The following ABCC9 variants were observed in gnomAD, a reference collection of about 807,000 sequenced individuals.
ABCC9 encodes ATP-binding cassette sub-family C member 9.
ABCC9 carries 95 observed loss-of-function variants against 188.3 expected under a neutral mutation model. The observed-to-expected ratio is 0.50, with a 90% CI of 0.43 to 0.60. The LOEUF (loss-of-function observed/expected upper bound fraction) is 0.60. ABCC9 is among the 20% of genes least tolerant of loss of function. The pLI is 0.00. For missense variants in ABCC9, 1,102 were observed against 1,876.3 expected, an observed-to-expected ratio of 0.59 and a Z score of 7.62; for synonymous variants, 659 against 652.7, an observed-to-expected ratio of 1.01 and a Z score of -0.15.
chr12:21,828,180 C>T (rs114810325), intron 31 of ABCC9, among the ~76,000 whole-genome samples: 204 of 152,300 alleles, frequency 1.3e-3, no homozygotes, highest in African/African-American at 4.8e-3. Flanking sequence ...ATCCATGTTC[C>T]GGATCGCACA....
rs1191586159 is a variant in ABCC9, at chr12:21,917,177, A to G, written c.407-74T>C. ...TCACTAGCATTTGAATGTAATTATG[A>G]TGCTTTTTAATAACAAAGGCAATTT... On this transcript the variant is annotated intron_variant, in intron 5 of 39. Coordinates refer to ENST00000261200, the MANE Select transcript of ABCC9 (RefSeq NM_020297.4). 2.0e-6 allele frequency: 3 copies of G among 1,481,772 alleles called. No individual in the cohort carries two copies. In the East Asian group the frequency reaches 6.8e-5, roughly 34 times the overall value. 91.8% of individuals were successfully genotyped at this position (1,481,772 alleles called of 1,614,324 possible).
intron 12 of ABCC9, among the ~76,000 whole-genome samples, chr12:21,903,943 A>G (rs1947899455): frequency 6.6e-6 from 1 of 152,238 alleles, no homozygotes; most frequent in Non-Finnish European, 1.5e-5. Flanking sequence ...TAAAGTTCAT[A>G]TGGAACCAAA....
chr12:21,815,872 T>C lies in ABCC9; in HGVS notation c.3914A>G (p.His1305Arg), dbSNP rs765744015. ...GTMDPSQVPE[H>R]WPQEGEIKIH... ...CTTGATCTCCCCTTCTTGTGGCCAA[T>C]GTTCTGGAACTTGAGAAGGATCTGG... The change falls in exon 34 of 40, where the codon CAT becomes CGT. Residue 1305 changes from histidine to arginine, a missense_variant. His to Arg is a conservative substitution (Grantham distance 29). Around this residue, in one of 12 missense-constraint regions of ABCC9, gnomAD observed 143 missense variants for 225.6 expected, o/e 0.63. Coordinates refer to ENST00000261200, the MANE Select transcript of ABCC9 (RefSeq NM_020297.4). 4 of 1,613,200 alleles carry C rather than the reference T, an allele frequency of 2.5e-6. No homozygotes were observed. The African/African-American group carries it at 4.0e-5, about 16-fold the overall frequency.
intron 31 of ABCC9, 106 bp from the exon 32 acceptor site, chr12:21,818,357 T>C (rs1296684690): frequency 2.3e-6 from 2 of 857,110 alleles, no homozygotes; most frequent in South Asian, 2.7e-5. Flanking sequence ...TCATTCCATG[T>C]GTGTCCTGTT....
intron 12 of ABCC9, among the ~76,000 whole-genome samples, chr12:21,900,463 T>C (rs1370147728): frequency 6.6e-6 from 1 of 152,180 alleles, no homozygotes; most frequent in Non-Finnish European, 1.5e-5. Flanking sequence ...GGACGGAGAA[T>C]GACTTTGACG....
chr12:21,819,827 G>A (rs1555180133), intron 31 of ABCC9, among the ~76,000 whole-genome samples: 1 of 151,456 alleles, frequency 6.6e-6, no homozygotes, highest in Non-Finnish European at 1.5e-5. Flanking sequence ...AAGATTAAAG[G>A]AAAAAAAATC....
chr12:21,859,805 T>C, intron 21 of ABCC9, 139 bp from the exon 22 acceptor site: 1 of 785,926 alleles, frequency 1.3e-6, no homozygotes, highest in South Asian at 1.4e-5. Flanking sequence ...GTAACATTGG[T>C]AAGAAAACAT....
intron 5 of ABCC9, chr12:21,924,591 T>C (rs1208215398): frequency 1.3e-5 from 2 of 152,104 alleles, no homozygotes; most frequent in Non-Finnish European, 2.9e-5. Flanking sequence ...TGTGCTGTCT[T>C]GCACCTAAAT....
intron 31 of ABCC9, among the ~76,000 whole-genome samples, chr12:21,822,210 T>G (rs1392878644): frequency 6.6e-6 from 1 of 152,100 alleles, no homozygotes; most frequent in Non-Finnish European, 1.5e-5. Context: ...TATAAAAATA[T>G]TTTTAAACTT....
intron 19 of ABCC9, 63 bp downstream of exon 19, chr12:21,864,376 A>C: frequency 2.6e-6 from 3 of 1,172,262 alleles, no homozygotes; most frequent in Non-Finnish European, 3.8e-6. Context: ...ATGAGATTAA[A>C]GAGATTAAAG....
intron 31 of ABCC9, among the ~76,000 whole-genome samples, chr12:21,823,749 CTG>C (rs1411783166): frequency 1.3e-5 from 2 of 152,210 alleles, no homozygotes; most frequent in Non-Finnish European, 2.9e-5. Context: ...AGAGAAAAGA[CTG>C]TGCTGAACGA....
chr12:21,909,091 A>G (rs914957093), intron 10 of ABCC9, among the ~76,000 whole-genome samples: 4 of 151,936 alleles, frequency 2.6e-5, no homozygotes, highest in African/African-American at 9.7e-5. Context: ...GAGATATCCA[A>G]TAAAAACAAA....
chr12:21,834,307 A>G (rs1943948462), intron 30 of ABCC9, among the ~76,000 whole-genome samples: 1 of 152,204 alleles, frequency 6.6e-6, no homozygotes, highest in Admixed American at 6.6e-5. Context: ...CTTAGTAGGA[A>G]GATGGGTTCT....
chr12:21,905,833 T>TG (rs1222890690), intron 12 of ABCC9, among the ~76,000 whole-genome samples: 1 of 152,122 alleles, frequency 6.6e-6, no homozygotes, highest in Non-Finnish European at 1.5e-5. Context: ...ATTTTACTGA[T>TG]GAAGAAAACC....
At chr12:21,815,488 T>C (rs1942547242) in intron 34 of ABCC9, among the ~76,000 whole-genome samples, 1 of 152,186 alleles carries the variant, frequency 6.6e-6, no homozygotes, top group South Asian at 2.1e-4. Context: ...ATGGCTATTA[T>C]GGCCAGGAGT....
At chr12:21,922,751 C>CTTT (rs143763191) in intron 5 of ABCC9, among the ~76,000 whole-genome samples, 13 of 119,090 alleles carry the variant, frequency 1.1e-4, no homozygotes, top group African/African-American at 1.8e-4. Flanking sequence ...TTTTTTTTTT[C>CTTT]TTTTTTTTTT....
chr12:21,812,264 G>A (rs2137149766), intron 35 of ABCC9, 107 bp from the exon 36 acceptor site: 1 of 824,620 alleles, frequency 1.2e-6, no homozygotes, highest in East Asian at 2.6e-5. Flanking sequence ...AAATTCAGGA[G>A]ACCCACTTTT....
intron 12 of ABCC9, among the ~76,000 whole-genome samples, chr12:21,905,569 AAAT>A (rs1948000689): frequency 6.6e-6 from 1 of 152,104 alleles, no homozygotes; most frequent in East Asian, 1.9e-4. Context: ...GATTGATGCA[AAAT>A]AATAATAAAA....
rs7136579 is a variant in ABCC9 at position 21,822,172 on chromosome 12, T to C, written c.3670-3921A>G. The stretch of plus-strand genomic sequence containing the variant: ...AGCTTGAAAGCCAATATATCTGTAG[T>C]TTAGTATGTATAACAAAGTTATTTT... On this transcript the variant is annotated intron_variant, in intron 31 of 39. Transcript: ENST00000261200. Among the ~76,000 whole-genome samples, 681 of 152,236 alleles carry C rather than the reference T, an allele frequency of 4.5e-3. 5 individuals carry two copies. Among genetic ancestry groups the C allele is most frequent in the African/African-American group, 0.016 (645 of 41,562 alleles).
Sources: gnomAD v4.1 joint callset for allele counts (sites outside exome capture counted in the v4.1 genomes callset) on GRCh38, gnomAD v4.1.1 for gene constraint, gnomAD v4.1.1 regional missense constraint, MANE v1.5 for transcripts, NCBI Gene and HGNC (gene_info 2026-07-23, HGNC 2026-07-21) for gene names.